CHL1: variants seen among roughly 807,000 people sequenced by gnomAD.
CHL1 encodes neural cell adhesion molecule L1-like protein.
CHL1 carries 96 observed loss-of-function variants against 141.9 expected under a neutral mutation model. The ratio of observed to expected loss-of-function variants is 0.68; its 90% CI spans 0.57 to 0.80. The LOEUF (loss-of-function observed/expected upper bound fraction) is 0.80. CHL1 is among the 30% of genes least tolerant of loss of function. CHL1 has a pLI of 0.00. For missense variants in CHL1, 1,820 were observed against 1,457.2 expected (o/e 1.25, Z -4.05); for synonymous variants, 613 against 502.2 (o/e 1.22, Z -2.95).
chr3:292,856 C>T (rs920731349), intron 2 of CHL1, among the ~76,000 whole-genome samples: 1 of 152,162 alleles, frequency 6.6e-6, no homozygotes, highest in Admixed American at 6.5e-5. Context: ...GGACAGCACC[C>T]AGCCATGAGG....
At chr3:374,420 G>T (rs1706039124) in intron 15 of CHL1, among the ~76,000 whole-genome samples, 2 of 152,120 alleles carry the variant, frequency 1.3e-5, no homozygotes, top group African/African-American at 2.4e-5. Flanking sequence ...ACTATCCGGG[G>T]TCTTCCATGT....
At chr3:250,206 T>A (rs1268927792) in intron 2 of CHL1, among the ~76,000 whole-genome samples, 1 of 152,020 alleles carries the variant, frequency 6.6e-6, no homozygotes. Flanking sequence ...CTCAAGCAAT[T>A]CTCCTGCCTC....
intron 15 of CHL1, among the ~76,000 whole-genome samples, chr3:375,497 A>G (rs556428996): frequency 3.3e-5 from 5 of 151,982 alleles, no homozygotes; most frequent in Admixed American, 3.3e-4. Context: ...AAAGATGAAG[A>G]TGCAGTCATA....
chr3:243,915 GT>G (rs1352326124), intron 1 of CHL1, among the ~76,000 whole-genome samples: 1 of 152,156 alleles, frequency 6.6e-6, no homozygotes, highest in Non-Finnish European at 1.5e-5. Flanking sequence ...AGAAAGTAGA[GT>G]TTTTTAAAAG....
chr3:382,234 T>A lies in CHL1; in HGVS notation c.1932T>A (p.Val644=). The A allele has an allele frequency of 6.2e-7, 1 of 1,613,834 alleles. No individual in the cohort carries two copies. Among genetic ancestry groups the A allele is most frequent in the Non-Finnish European group, 8.5e-7 (1 of 1,179,794 alleles). The change falls in exon 17 of 28, where the codon GTT becomes GTA. Residue 644 remains valine, a synonymous_variant. Coordinates refer to ENST00000256509, the MANE Select transcript of CHL1 (RefSeq NM_006614.4). ...TGTCTGAAAGACAGAACAGGAGTGT[T>A]CGGCTGACCTGGGAAGCTGGAGCTG... ...LHLSERQNRS[V]RLTWEAGADH... is the part of the protein sequence containing the mutation.
At chr3:248,383 T>C (rs1386956017) in intron 2 of CHL1, 3 of 152,102 alleles carry the variant, frequency 2.0e-5, no homozygotes, top group Non-Finnish European at 2.9e-5. Context: ...GAATGAGCAC[T>C]ATATGAAGAA....
At chr3:269,105 G>C (rs1695416419) in intron 2 of CHL1, among the ~76,000 whole-genome samples, 1 of 152,326 alleles carries the variant, frequency 6.6e-6, no homozygotes, top group African/African-American at 2.4e-5. Flanking sequence ...AGCTTCTTAA[G>C]AGTTGAAAGA....
intron 10 of CHL1, among the ~76,000 whole-genome samples, chr3:351,565 G>T (rs1344065408): frequency 6.6e-6 from 1 of 151,438 alleles, no homozygotes; most frequent in Non-Finnish European, 1.5e-5. Context: ...TTCCTTTTTT[G>T]TCTCTTTTTT....
chr3:347,150 C>G (rs1434359774), intron 9 of CHL1, among the ~76,000 whole-genome samples: 1 of 152,060 alleles, frequency 6.6e-6, no homozygotes, highest in African/African-American at 2.4e-5. Context: ...GACTCATGTG[C>G]ACTGCTCAAA....
At chr3:376,465 G>A (rs1706339018) in intron 15 of CHL1, 1 of 505,664 alleles carries the variant, frequency 2.0e-6, no homozygotes, top group Non-Finnish European at 3.9e-6. Context: ...GGACTAGTGA[G>A]GCACCCAACG....
intron 2 of CHL1, 40 bp from the exon 3 acceptor site, chr3:319,643 G>A (rs1700406852): frequency 1.8e-5 from 8 of 450,156 alleles, no homozygotes; most frequent in South Asian, 5.7e-5. Flanking sequence ...TGAAATTTTA[G>A]AGTTTGTGAA....
At chr3:328,937 A>G (rs1202775149) in intron 5 of CHL1, among the ~76,000 whole-genome samples, 3 of 152,192 alleles carry the variant, frequency 2.0e-5, no homozygotes, top group Non-Finnish European at 2.9e-5. Flanking sequence ...AGCAAGTTGC[A>G]TAGTCCCATC....
At chr3:309,896 A>T (rs1380318546) in intron 2 of CHL1, among the ~76,000 whole-genome samples, 1 of 152,194 alleles carries the variant, frequency 6.6e-6, no homozygotes, top group Non-Finnish European at 1.5e-5. Context: ...CCTTTAAAAA[A>T]TTCTGAATTT....
intron 5 of CHL1, among the ~76,000 whole-genome samples, chr3:335,145 C>T (rs1423368181): frequency 1.3e-5 from 2 of 152,172 alleles, no homozygotes; most frequent in East Asian, 1.9e-4. Flanking sequence ...TTTTTACCAC[C>T]CTGATTTTGG....
intron 15 of CHL1, chr3:373,705 T>C (rs914597431): frequency 6.6e-6 from 1 of 152,224 alleles, no homozygotes; most frequent in Non-Finnish European, 1.5e-5. Context: ...TGAGAATCTG[T>C]GGGGCTTCGG....
intron 2 of CHL1, among the ~76,000 whole-genome samples, chr3:314,159 A>G (rs1411678013): frequency 6.6e-6 from 1 of 151,524 alleles, no homozygotes; most frequent in East Asian, 1.9e-4. Flanking sequence ...TGCCTAAAGA[A>G]TCTCCTTACT....
rs550882168 is a variant in CHL1, at chr3:382,251, C to T, written c.1949C>T (p.Ala650Val). 1 of 1,613,644 alleles carries T rather than the reference C, an allele frequency of 6.2e-7. No homozygotes were observed. The highest frequency in any genetic ancestry group is 8.5e-7 in the Non-Finnish European group (1 of 1,179,756). ...QNRSVRLTWE[A>V]GADHNSNISE... ...AGGAGTGTTCGGCTGACCTGGGAAG[C>T]TGGAGCTGACCACAACAGCAATATT... The change falls in exon 17 of 28, where the codon GCT becomes GTT. Residue 650 changes from alanine to valine, a missense_variant. By Grantham distance (64) the Ala-to-Val change is moderately conservative. Transcript: ENST00000256509.
intron 24 of CHL1, 54 bp downstream of exon 24, chr3:394,926 T>A (rs1274538574): frequency 2.1e-6 from 3 of 1,402,168 alleles, no homozygotes; most frequent in Non-Finnish European, 1.9e-6. Context: ...AGACTGCATC[T>A]TTTTAAACAG....
At chr3:343,424 T>G (rs1382355365) in intron 8 of CHL1, among the ~76,000 whole-genome samples, 1 of 152,190 alleles carries the variant, frequency 6.6e-6, no homozygotes, top group Non-Finnish European at 1.5e-5. Flanking sequence ...AGTGGATTTT[T>G]TTCTTGCAAG....
Sources: allele counts gnomAD v4.1 joint callset (sites outside exome capture counted in the v4.1 genomes callset), GRCh38; gene constraint gnomAD v4.1.1; transcripts MANE v1.5; gene names NCBI Gene and HGNC (gene_info 2026-07-23, HGNC 2026-07-21).